The following KALRN variants were observed in gnomAD, a reference collection of about 807,000 sequenced individuals.
KALRN encodes kalirin.
A neutral mutation model predicts 353.7 loss-of-function variants in KALRN; 70 were observed. That is an observed-to-expected ratio of 0.20 (90% CI 0.16 to 0.24). The LOEUF (loss-of-function observed/expected upper bound fraction) is 0.24. KALRN is among the 10% of genes least tolerant of loss of function. The pLI, the probability that KALRN is intolerant of heterozygous loss-of-function variation, is 1.00. For synonymous variants in KALRN, 1,391 were observed against 1,434.8 expected (o/e 0.97, Z 0.69); for missense variants, 2,791 against 3,756.7 (o/e 0.74, Z 6.72).
At chr3:124,224,765 G>A (rs965898337) in intron 1 of KALRN, among the ~76,000 whole-genome samples, 3 of 152,182 alleles carry the variant, frequency 2.0e-5, no homozygotes, top group African/African-American at 4.8e-5. Context: ...TTTATTCCCA[G>A]TACTTCCTTT....
At chr3:124,344,675 A>G (rs969823808) in intron 9 of KALRN, among the ~76,000 whole-genome samples, 1 of 152,228 alleles carries the variant, frequency 6.6e-6, no homozygotes, top group African/African-American at 2.4e-5. Context: ...GAAATTGCAC[A>G]TATTTTCCCT....
chr3:124,446,337 C>T, intron 20 of KALRN, 61 bp downstream of exon 20: 1 of 1,249,348 alleles, frequency 8.0e-7, no homozygotes, highest in Non-Finnish European at 1.2e-6. Flanking sequence ...GGCCCATCAC[C>T]AAGGCTTAGT....
chr3:124,384,853 C>A lies in KALRN; in HGVS notation c.1779C>A (p.Tyr593Ter). 1 of 1,598,664 alleles carries A rather than the reference C, an allele frequency of 6.3e-7. No individual in the cohort carries two copies. Residue 593 changes from tyrosine to a stop codon, truncating the protein, a stop_gained, in exon 11 of 60, where the codon TAC becomes TAA. Coordinates refer to ENST00000682506, the MANE Select transcript of KALRN (RefSeq NM_001388419.1). LOFTEE classifies it high-confidence loss of function. ...DDFEEVAQNT[Y>*]TNADKLLEAA... ...ACTGTTGTTGCTGGCAGAATACGTA[C>A]ACCAATGCGGACAAGCTCCTAGAAG...
rs1277880758 is a variant in KALRN, at chr3:124,234,736, G to C, written c.149-93G>C. 5 of 956,482 alleles carry C rather than the reference G, an allele frequency of 5.2e-6. No individual in the cohort carries two copies. The East Asian group carries it at 1.1e-4, about 20-fold the overall frequency. The allele number at this position is 956,482 out of a possible 1,614,324, so 59.2% of individuals were successfully genotyped here. A position where few individuals can be genotyped will look rare whatever the true frequency, so the allele number is the denominator to read the frequency against. ...TTCTCTGGATACCCTATTTCTGTCT[G>C]ATCACCCAGCACTCAGACAGATTTC... On this transcript the variant is annotated intron_variant, in intron 2 of 59. Transcript: ENST00000682506.
intron 1 of KALRN, among the ~76,000 whole-genome samples, chr3:124,103,205 C>T (rs940909591): frequency 6.6e-6 from 1 of 152,158 alleles, no homozygotes; most frequent in African/African-American, 2.4e-5. Context: ...TGTGAACTAC[C>T]CAGGCAAGAT....
rs2082029134 is a variant in KALRN, at chr3:124,641,417, T to G, written c.5664+4114T>G. Among the ~76,000 whole-genome samples, 3 of 152,350 alleles carry G rather than the reference T, an allele frequency of 2.0e-5. No homozygotes were observed. In the South Asian group the frequency reaches 6.2e-4, roughly 32 times the overall value. On this transcript the variant is annotated intron_variant, in intron 37 of 59. Coordinates refer to ENST00000682506, the MANE Select transcript of KALRN (RefSeq NM_001388419.1). ...GGAATAGGGCTCCCCCTGCTTTCAC[T>G]GTGTGATTTTTAATAAAGCCTTTTC...
Position 124,159,677 on chromosome 3 carries a change from G to A in KALRN, c.74-68313G>A, listed in dbSNP as rs549617670. Among the ~76,000 whole-genome samples the A allele has an allele frequency of 9.2e-5, 14 of 151,556 alleles. No individual in the cohort carries two copies. In the South Asian group the frequency reaches 1.7e-3, roughly 18 times the overall value. On this transcript the variant is annotated intron_variant, in intron 1 of 59. Coordinates refer to ENST00000682506, the MANE Select transcript of KALRN (RefSeq NM_001388419.1). ...GTGCAGTAGCCCATTTCTCTGATGC[G>A]TAATACCTGAGGGTAGGAACTGTTA...
At chr3:124,279,567 T>C (rs1182907852) in intron 5 of KALRN, among the ~76,000 whole-genome samples, 1 of 152,160 alleles carries the variant, frequency 6.6e-6, no homozygotes, top group Non-Finnish European at 1.5e-5. Context: ...ACCTGGTGGC[T>C]GGAGAAACCA....
intron 1 of KALRN, among the ~76,000 whole-genome samples, chr3:124,064,749 A>G (rs1199117334): frequency 6.6e-6 from 1 of 152,230 alleles, no homozygotes; most frequent in Non-Finnish European, 1.5e-5. Context: ...TCTCAAAGGT[A>G]GCTCTCTGCA....
At chr3:124,125,162 C>G (rs956035426) in intron 1 of KALRN, among the ~76,000 whole-genome samples, 2 of 152,164 alleles carry the variant, frequency 1.3e-5, no homozygotes, top group African/African-American at 4.8e-5. Flanking sequence ...AAGGGTTTCA[C>G]ATGGGTTATC....
intron 1 of KALRN, among the ~76,000 whole-genome samples, chr3:124,204,164 G>C (rs966435697): frequency 2.6e-5 from 4 of 152,074 alleles, no homozygotes; most frequent in Admixed American, 2.6e-4. Context: ...CCTTACATAG[G>C]TTTCTTCATA....
At chr3:124,411,670 T>G (rs2092173719) in intron 13 of KALRN, among the ~76,000 whole-genome samples, 1 of 152,084 alleles carries the variant, frequency 6.6e-6, no homozygotes, top group Non-Finnish European at 1.5e-5. Flanking sequence ...GGTCTTGAAC[T>G]CCTGGCCTCA....
intron 33 of KALRN, among the ~76,000 whole-genome samples, chr3:124,513,717 A>G (rs1459752615): frequency 6.6e-6 from 1 of 152,224 alleles, no homozygotes; most frequent in Non-Finnish European, 1.5e-5. Context: ...GCAGAGGGAA[A>G]AATGGCAAGA....
intron 10 of KALRN, among the ~76,000 whole-genome samples, chr3:124,348,038 C>T (rs892441814): frequency 2.6e-5 from 4 of 152,142 alleles, no homozygotes; most frequent in Admixed American, 2.0e-4. Context: ...TATATTTCTG[C>T]ATTGGGGAGT....
At chr3:124,219,773 G>A (rs2077694445) in intron 1 of KALRN, among the ~76,000 whole-genome samples, 1 of 152,078 alleles carries the variant, frequency 6.6e-6, no homozygotes, top group Admixed American at 6.5e-5. Context: ...GTGGGGGGTT[G>A]GCCCCACTGC....
chr3:124,071,525 TGGTACTTG>T (rs751241779), intron 1 of KALRN, among the ~76,000 whole-genome samples: 4 of 152,130 alleles, frequency 2.6e-5, no homozygotes, highest in Non-Finnish European at 5.9e-5. Context: ...ACAAAATACC[TGGTACTTG>T]GTAATTTATA....
At chr3:124,413,392 C>A in intron 13 of KALRN, 78 bp from the exon 14 acceptor site, 1 of 1,213,246 alleles carries the variant, frequency 8.2e-7, no homozygotes, top group Non-Finnish European at 1.2e-6. Flanking sequence ...ATGAATAAGG[C>A]TTGGAATTGT....
chr3:124,370,011 CTA>C (rs1048611067), intron 10 of KALRN, among the ~76,000 whole-genome samples: 2 of 151,830 alleles, frequency 1.3e-5, no homozygotes, highest in African/African-American at 4.8e-5. Flanking sequence ...ATTCCATTGT[CTA>C]TATATGACAG....
At chr3:124,466,118 A>G (rs1475746531) in intron 25 of KALRN, among the ~76,000 whole-genome samples, 1 of 151,126 alleles carries the variant, frequency 6.6e-6, no homozygotes, top group African/African-American at 2.4e-5. Context: ...CTTTATAGGT[A>G]TTGAATGGGG....
Sources: gnomAD v4.1 joint callset for allele counts (sites outside exome capture counted in the v4.1 genomes callset) on GRCh38, gnomAD v4.1.1 for gene constraint, MANE v1.5 for transcripts, NCBI Gene and HGNC (gene_info 2026-07-23, HGNC 2026-07-21) for gene names.